Variants in EPB41L4A observed in about 807,000 individuals in gnomAD.
The protein encoded by EPB41L4A is band 4.1-like protein 4A.
A neutral mutation model predicts 108.6 loss-of-function variants in EPB41L4A; 100 were observed. The observed-to-expected ratio is 0.92, with a 90% CI of 0.78 to 1.09. EPB41L4A has a LOEUF of 1.09. Ranked by LOEUF, EPB41L4A falls within the 50% of genes least tolerant of loss-of-function variation. EPB41L4A has a pLI of 0.00. For synonymous variants in EPB41L4A, 319 were observed against 289.0 expected, an observed-to-expected ratio of 1.10 and a Z score of -1.05; for missense variants, 1,030 against 842.7, an observed-to-expected ratio of 1.22 and a Z score of -2.75.
At chr5:112,315,452 T>A (rs544299767) in intron 1 of EPB41L4A, among the ~76,000 whole-genome samples, 1 of 152,336 alleles carries the variant, frequency 6.6e-6, no homozygotes, top group South Asian at 2.1e-4. Flanking sequence ...ACATGGTGTC[T>A]ATAAATTGAA....
chr5:112,393,083 T>C (rs996952009), intron 1 of EPB41L4A, among the ~76,000 whole-genome samples: 4 of 152,146 alleles, frequency 2.6e-5, no homozygotes, highest in African/African-American at 9.7e-5. Context: ...TGGGACACAT[T>C]TAAAGCAGTG....
intron 1 of EPB41L4A, among the ~76,000 whole-genome samples, chr5:112,387,170 G>A (rs1187484473): frequency 2.6e-5 from 4 of 152,164 alleles, no homozygotes; most frequent in South Asian, 2.1e-4. Context: ...CAGTTCCATC[G>A]TGGCCAGATC....
chr5:112,179,002 CCAA>C (rs1561452876), intron 18 of EPB41L4A, among the ~76,000 whole-genome samples: 1 of 151,756 alleles, frequency 6.6e-6, no homozygotes, highest in Non-Finnish European at 1.5e-5. Flanking sequence ...ACACAAATCA[CCAA>C]CATCAGGAAT....
chr5:112,404,855 C>T (rs1761989639), intron 1 of EPB41L4A, among the ~76,000 whole-genome samples: 1 of 152,158 alleles, frequency 6.6e-6, no homozygotes, highest in African/African-American at 2.4e-5. Context: ...ACAAAACTCC[C>T]TTCTCTATGT....
At chr5:112,407,025 T>C (rs747145306) in intron 1 of EPB41L4A, among the ~76,000 whole-genome samples, 4 of 152,066 alleles carry the variant, frequency 2.6e-5, no homozygotes, top group Non-Finnish European at 5.9e-5. Context: ...ACTGAGGATA[T>C]GGGACTGCAT....
chr5:112,154,452 C>G (rs960862885), intron 12 of EPB41L4A, among the ~76,000 whole-genome samples: 1 of 152,174 alleles, frequency 6.6e-6, no homozygotes, highest in Admixed American at 6.5e-5. Flanking sequence ...CAATAATTTA[C>G]GCAATGATTT....
chr5:112,337,468 T>G (rs1021231164), intron 1 of EPB41L4A, among the ~76,000 whole-genome samples: 1 of 152,180 alleles, frequency 6.6e-6, no homozygotes, highest in African/African-American at 2.4e-5. Context: ...AGGCTCTGTT[T>G]GAACTGTTTC....
chr5:112,388,279 A>T (rs1417246698), intron 1 of EPB41L4A, among the ~76,000 whole-genome samples: 1 of 152,188 alleles, frequency 6.6e-6, no homozygotes, highest in African/African-American at 2.4e-5. Flanking sequence ...GATGCCAGCC[A>T]GAGTCAGCCT....
chr5:112,250,350 T>C (rs1373812611), intron 9 of EPB41L4A, among the ~76,000 whole-genome samples: 1 of 152,192 alleles, frequency 6.6e-6, no homozygotes, highest in African/African-American at 2.4e-5. Context: ...TTCTTATTAT[T>C]TGAAGGAATT....
chr5:112,419,929 G>T (rs1762994453), upstream of EPB41L4A: 1 of 455,734 alleles, frequency 2.2e-6, no homozygotes, highest in South Asian at 1.5e-5. Flanking sequence ...CGGGGAGGCG[G>T]GGACCTGCGG....
chr5:112,176,330 T>C (rs1760859324), intron 18 of EPB41L4A, among the ~76,000 whole-genome samples: 1 of 152,214 alleles, frequency 6.6e-6, no homozygotes, highest in East Asian at 1.9e-4. Context: ...AGGACAGAGC[T>C]CAGTTTGTGC....
chr5:112,192,568 A>AT (rs1761758177), intron 17 of EPB41L4A, among the ~76,000 whole-genome samples: 1 of 152,200 alleles, frequency 6.6e-6, no homozygotes, highest in Admixed American at 6.5e-5. Flanking sequence ...GTTATTCTAA[A>AT]ATATACTTTT....
At chr5:112,340,296 C>A (rs1432189117) in intron 1 of EPB41L4A, among the ~76,000 whole-genome samples, 1 of 152,148 alleles carries the variant, frequency 6.6e-6, no homozygotes, top group African/African-American at 2.4e-5. Context: ...CAACCGATGG[C>A]CTTGTTGAAA....
At chr5:112,249,537 T>C (rs1389795820) in intron 9 of EPB41L4A, 2 of 152,168 alleles carry the variant, frequency 1.3e-5, no homozygotes, top group Non-Finnish European at 2.9e-5. Flanking sequence ...ACACATGATA[T>C]CCTGGGCACA....
At chr5:112,180,530 A>C (rs192694276) in intron 18 of EPB41L4A, among the ~76,000 whole-genome samples, 10 of 152,310 alleles carry the variant, frequency 6.6e-5, no homozygotes, top group Non-Finnish European at 1.3e-4. Context: ...ATCTCTACTC[A>C]TCCATATACA....
At chr5:112,341,479 C>A (rs769680653) in intron 1 of EPB41L4A, among the ~76,000 whole-genome samples, 9 of 152,182 alleles carry the variant, frequency 5.9e-5, no homozygotes, top group Non-Finnish European at 1.2e-4. Flanking sequence ...GATGCTTTAA[C>A]TGTCAACTGA....
intron 1 of EPB41L4A, among the ~76,000 whole-genome samples, chr5:112,402,078 C>T (rs1186621291): frequency 6.6e-6 from 1 of 152,212 alleles, no homozygotes; most frequent in Admixed American, 6.5e-5. Flanking sequence ...TCACCTTGAA[C>T]TGTAATCCCC....
chr5:112,235,411 C>T (rs1749258736), intron 11 of EPB41L4A, among the ~76,000 whole-genome samples: 1 of 152,214 alleles, frequency 6.6e-6, no homozygotes, highest in Admixed American at 6.5e-5. Context: ...TTTCAGTGAA[C>T]ATTCACCTTA....
chr5:112,208,899 G>C lies in EPB41L4A; in HGVS notation c.1178+993C>G, dbSNP rs141451108. ...CTATCCACAGCTTGAGGGTGACTAA[G>C]GGAAATACAGTAAACTAAAGTTATG... On this transcript the variant is annotated intron_variant, in intron 13 of 22. Transcript: ENST00000261486. Among the ~76,000 whole-genome samples, 6 of 152,218 alleles carry C rather than the reference G, an allele frequency of 3.9e-5. No individual in the cohort carries two copies. The East Asian group carries it at 1.2e-3, about 29-fold the overall frequency.
Sources: allele counts gnomAD v4.1 joint callset (sites outside exome capture counted in the v4.1 genomes callset), GRCh38; gene constraint gnomAD v4.1.1; transcripts MANE v1.5; gene names NCBI Gene and HGNC (gene_info 2026-07-23, HGNC 2026-07-21).